AJAP1: variants seen among roughly 807,000 people sequenced by gnomAD.
AJAP1 encodes the protein adherens junction-associated protein 1.
AJAP1 carries 5 observed loss-of-function variants against 35.0 expected under a neutral mutation model. That is an observed-to-expected ratio of 0.14 (90% CI 0.07 to 0.30). The LOEUF is 0.30. Ranked by LOEUF, AJAP1 falls within the 10% of genes least tolerant of loss-of-function variation. AJAP1 has a pLI of 1.00. For synonymous variants in AJAP1, 284 were observed against 249.3 expected (o/e 1.14, Z -1.31); for missense variants, 586 against 571.0 (o/e 1.03, Z -0.27).
intron 1 of AJAP1, among the ~76,000 whole-genome samples, chr1:4,706,698 G>A (rs1161886043): frequency 6.6e-6 from 1 of 152,276 alleles, no homozygotes; most frequent in African/African-American, 2.4e-5. Context: ...CTCCCGGCTC[G>A]GGGAAAGGTG....
intron 2 of AJAP1, among the ~76,000 whole-genome samples, chr1:4,738,435 G>C (rs779574784): frequency 2.6e-5 from 4 of 152,254 alleles, no homozygotes; most frequent in East Asian, 1.9e-4. Flanking sequence ...GGGTGATTAG[G>C]GGGTAGCTGG....
At chr1:4,774,714 G>A (rs917628862) in intron 5 of AJAP1, among the ~76,000 whole-genome samples, 156 bp downstream of exon 5, 11 of 152,168 alleles carry the variant, frequency 7.2e-5, no homozygotes, top group Admixed American at 3.9e-4. Flanking sequence ...GGCGGGGGGG[G>A]CTGGGCTTTT....
chr1:4,758,660 T>A (rs1421360259), intron 2 of AJAP1, among the ~76,000 whole-genome samples: 1 of 152,050 alleles, frequency 6.6e-6, no homozygotes, highest in Non-Finnish European at 1.5e-5. Flanking sequence ...GGCTTACAAT[T>A]CAAGATGAGA....
rs1392100311 is a variant in AJAP1, at chr1:4,752,151, G to GGGAGGAGGAGGGAGGAGA, written c.830-17682_830-17665dup. ...GTCATTAAAGGAGGAACAGAGGGAG[G>GGGAGGAGGAGGGAGGAGA]GGAGGAGGAGGGAGGAGAGGAGGAG... is the stretch of plus-strand genomic sequence containing the variant. On this transcript the variant is annotated intron_variant, in intron 2 of 5. Transcript: ENST00000378191. 3.8e-4 allele frequency among the ~76,000 whole-genome samples: 58 copies of GGGAGGAGGAGGGAGGAGA among 151,740 alleles called. 1 individual carries two copies. In the East Asian group the frequency reaches 8.8e-3, roughly 23 times the overall value.
intron 2 of AJAP1, among the ~76,000 whole-genome samples, chr1:4,757,131 A>G (rs934384148): frequency 6.6e-6 from 1 of 152,136 alleles, no homozygotes; most frequent in Non-Finnish European, 1.5e-5. Flanking sequence ...GAGACATCTG[A>G]TTCTCTGTGT....
rs1642250609 is a variant in AJAP1 at position 4,791,670 on chromosome 1, G to A, written c.*9185G>A. 1 of 152,192 alleles carries A rather than the reference G, an allele frequency of 6.6e-6. No homozygotes were observed. The highest frequency in any genetic ancestry group is 2.4e-5 in the African/African-American group (1 of 41,444). The allele number at this position is 152,192 out of a possible 1,614,324, so 9.4% of individuals were successfully genotyped here. A position where few individuals can be genotyped will look rare whatever the true frequency, so the allele number is the denominator to read the frequency against. On this transcript the variant is annotated 3_prime_UTR_variant, in exon 6 of 6. Transcript: ENST00000378191. ...TTTGACTTTCACAACATCAAGCATTGGCCATTGGGCGTATCTGGGCATTGG... is the reference window on the plus strand; with the variant it reads ...TTTGACTTTCACAACATCAAGCATTAGCCATTGGGCGTATCTGGGCATTGG...
intron 2 of AJAP1, among the ~76,000 whole-genome samples, chr1:4,738,177 C>T (rs1361615383): frequency 6.6e-6 from 1 of 152,216 alleles, no homozygotes. Flanking sequence ...AGCATGCAGC[C>T]CCCAGCCACA....
At chr1:4,661,076 GT>G (rs1638988748) in intron 1 of AJAP1, among the ~76,000 whole-genome samples, 1 of 152,176 alleles carries the variant, frequency 6.6e-6, no homozygotes, top group Admixed American at 6.5e-5. Flanking sequence ...GCAGACACTG[GT>G]TTGTGGCTTT....
chr1:4,785,108 C>T lies in AJAP1; in HGVS notation c.*2623C>T, dbSNP rs1212942329. 1 of 152,356 alleles carries T rather than the reference C, an allele frequency of 6.6e-6. No individual in the cohort carries two copies. Among genetic ancestry groups the T allele is most frequent in the African/African-American group, 2.4e-5 (1 of 41,448 alleles). The allele number at this position is 152,356 out of a possible 1,614,324, so 9.4% of individuals were successfully genotyped here. ...ACTCCTGGTATCTGCTCTGTCAACT[C>T]CCAGCTGCTCAGCCCCCTTCTCTGA... On this transcript the variant is annotated 3_prime_UTR_variant, in exon 6 of 6. Transcript: ENST00000378191.
At chr1:4,694,742 G>T (rs934589404) in intron 1 of AJAP1, among the ~76,000 whole-genome samples, 10 of 152,250 alleles carry the variant, frequency 6.6e-5, no homozygotes, top group African/African-American at 1.2e-4. Context: ...CAGGTGCGCA[G>T]CTGGGGGTGG....
chr1:4,674,005 C>T (rs1331452019), intron 1 of AJAP1, among the ~76,000 whole-genome samples: 1 of 131,694 alleles, frequency 7.6e-6, no homozygotes. Context: ...AACTATGTTC[C>T]AGGTTTTGCA....
intron 5 of AJAP1, among the ~76,000 whole-genome samples, chr1:4,778,571 ATCTCTCTCTCTCTC>A (rs141390632): frequency 0.015 from 2,212 of 142,878 alleles, 45 homozygotes; most frequent in African/African-American, 0.047. Context: ...GATTGGCGCC[ATCTCTCTCTCTCTC>A]TCTCTCTCTC....
intron 2 of AJAP1, among the ~76,000 whole-genome samples, chr1:4,730,477 T>C (rs1640773773): frequency 6.6e-6 from 1 of 152,132 alleles, no homozygotes; most frequent in African/African-American, 2.4e-5. Context: ...TTTTTACAAA[T>C]TTTCAAGAAA....
chr1:4,755,071 A>G (rs1202536969), intron 2 of AJAP1, among the ~76,000 whole-genome samples: 16 of 152,158 alleles, frequency 1.1e-4, no homozygotes, highest in Admixed American at 1.0e-3. Context: ...CCTGCAGCCC[A>G]TGGAGCCGTG....
intron 1 of AJAP1, among the ~76,000 whole-genome samples, chr1:4,701,849 G>C (rs931630181): frequency 3.3e-5 from 5 of 152,108 alleles, no homozygotes; most frequent in African/African-American, 1.2e-4. Flanking sequence ...GTAGATGCAG[G>C]GTGGCACCTG....
chr1:4,717,770 A>G (rs959177009), intron 2 of AJAP1, among the ~76,000 whole-genome samples: 5 of 152,170 alleles, frequency 3.3e-5, no homozygotes, highest in Non-Finnish European at 7.3e-5. Context: ...ATGGTGAACT[A>G]TTTTCTAAAC....
At chr1:4,679,653 C>CTGGCAGTCCTTGGTGTTTCT (rs1639432968) in intron 1 of AJAP1, among the ~76,000 whole-genome samples, 1 of 152,170 alleles carries the variant, frequency 6.6e-6, no homozygotes, top group African/African-American at 2.4e-5. Flanking sequence ...CTGGTGGTTG[C>CTGGCAGTCCTTGGTGTTTCT]TGGCAGTCCT....
chr1:4,709,476 A>C (rs7542105), intron 1 of AJAP1, among the ~76,000 whole-genome samples: 1 of 149,308 alleles, frequency 6.7e-6, no homozygotes, highest in African/African-American at 2.5e-5. Flanking sequence ...GGCCTGGTGG[A>C]GCCTGAAGGG....
At position 4,751,630 on chromosome 1, in the gene AJAP1, A is replaced by G. The variant is rs530443143; in HGVS notation, c.830-18223A>G. ...GCAGCTCATCCTCCTGGCTGCGCACATTCTGTCTGGGAGTCGTCTTGTCCA... is the reference window on the plus strand; with the variant it reads ...GCAGCTCATCCTCCTGGCTGCGCACGTTCTGTCTGGGAGTCGTCTTGTCCA... On this transcript the variant is annotated intron_variant, in intron 2 of 5. Coordinates refer to ENST00000378191, the MANE Select transcript of AJAP1 (RefSeq NM_018836.4). Among the ~76,000 whole-genome samples the G allele has an allele frequency of 5.3e-5, 8 of 152,334 alleles. No homozygotes were observed. The East Asian group carries it at 1.3e-3, about 26-fold the overall frequency.
Sources: gnomAD v4.1 joint callset for allele counts (sites outside exome capture counted in the v4.1 genomes callset) on GRCh38, gnomAD v4.1.1 for gene constraint, MANE v1.5 for transcripts, NCBI Gene and HGNC (gene_info 2026-07-23, HGNC 2026-07-21) for gene names.